The following MON2 variants were observed in gnomAD, a reference collection of about 807,000 sequenced individuals.
MON2 encodes MON2 regulator of endosome-to-Golgi trafficking.
Under a neutral mutation model 208.6 loss-of-function variants are expected in MON2, and 84 were observed. The ratio of observed to expected loss-of-function variants is 0.40; its 90% CI spans 0.34 to 0.48. The LOEUF is 0.48. MON2 is among the 20% of genes least tolerant of loss of function. The pLI is 0.59. For missense variants in MON2, 1,611 were observed against 2,015.4 expected (o/e 0.80, Z 3.84); for synonymous variants, 660 against 694.0 (o/e 0.95, Z 0.77).
Position 62,495,155 on chromosome 12 carries a change from A to G in MON2, c.435+8A>G. The G allele has an allele frequency of 6.2e-7, 1 of 1,600,152 alleles. No individual in the cohort carries two copies. Among genetic ancestry groups the G allele is most frequent in the Non-Finnish European group, 8.5e-7 (1 of 1,172,876 alleles). The stretch of plus-strand genomic sequence containing the variant: ...GATGAGGCACTTTCTAAGGTAGGAA[A>G]ACTGTTTGCCAGAGTTCATATGTGC... On this transcript the variant is annotated splice_region_variant and intron_variant, in intron 4 of 34. Coordinates refer to ENST00000393630, the MANE Select transcript of MON2 (RefSeq NM_015026.3).
intron 7 of MON2, among the ~76,000 whole-genome samples, chr12:62,506,966 G>A (rs948474053): frequency 3.9e-5 from 6 of 152,132 alleles, no homozygotes; most frequent in African/African-American, 1.2e-4. Context: ...GCTAATATAG[G>A]CAGGGAATTA....
chr12:62,512,993 A>G (rs1271815085), intron 8 of MON2, among the ~76,000 whole-genome samples: 1 of 152,132 alleles, frequency 6.6e-6, no homozygotes, highest in Non-Finnish European at 1.5e-5. Flanking sequence ...AGTCGGCTGG[A>G]GTGGCTGGGA....
At chr12:62,567,011 C>T (rs1168322629) in intron 29 of MON2, among the ~76,000 whole-genome samples, 1 of 152,182 alleles carries the variant, frequency 6.6e-6, no homozygotes, top group Non-Finnish European at 1.5e-5. Flanking sequence ...GCAGCCCATA[C>T]ACTTAACTGA....
At chr12:62,508,173 A>G in intron 7 of MON2, 113 bp from the exon 8 acceptor site, 10 of 749,594 alleles carry the variant, frequency 1.3e-5, no homozygotes, top group Non-Finnish European at 2.2e-5. Context: ...GTAAAGCTAA[A>G]TTATTAATAC....
At chr12:62,510,160 A>C (rs1483032337) in intron 8 of MON2, among the ~76,000 whole-genome samples, 1 of 152,182 alleles carries the variant, frequency 6.6e-6, no homozygotes, top group Non-Finnish European at 1.5e-5. Flanking sequence ...TTGAATTAAT[A>C]ATGAAAAACC....
Position 62,534,672 on chromosome 12 carries a change from G to A in MON2, c.1634-173G>A, listed in dbSNP as rs143559205. Among the ~76,000 whole-genome samples, 326 of 146,526 alleles carry A rather than the reference G, an allele frequency of 2.2e-3. 4 individuals carry two copies. In the East Asian group the frequency reaches 0.057, roughly 26 times the overall value. On this transcript the variant is annotated intron_variant, in intron 12 of 34. Coordinates refer to ENST00000393630, the MANE Select transcript of MON2 (RefSeq NM_015026.3). ...TCTTCAAGCCTGAAACTATAGTACG[G>A]CTTCTGAGTTTTCGTTCTTTTAGAT...
At position 62,565,324 on chromosome 12, in the gene MON2, C is replaced by T; in HGVS notation, c.4120C>T (p.Pro1374Ser). Residue 1374 changes from proline (P) to serine (S), a missense_variant, in exon 27 of 35, where the codon CCT becomes TCT. Physicochemically the swap from Pro to Ser is moderately conservative, Grantham distance 74. Coordinates refer to ENST00000393630, the MANE Select transcript of MON2 (RefSeq NM_015026.3). Reference sequence around the variant, plus strand: ...GGCATTTGTAGAATTTTCCTGTAAACCTCCACAGTATGGACAGCTGGAAAC... The same window carrying T: ...GGCATTTGTAGAATTTTCCTGTAAATCTCCACAGTATGGACAGCTGGAAAC... ...LLAFVEFSCK[P>S]PQYGQLETKH... The T allele has an allele frequency of 6.2e-7, 1 of 1,612,770 alleles. No individual in the cohort carries two copies. The highest frequency in any genetic ancestry group is 8.5e-7 in the Non-Finnish European group (1 of 1,179,094).
chr12:62,473,837 C>T (rs1461107805), intron 1 of MON2, among the ~76,000 whole-genome samples: 1 of 152,184 alleles, frequency 6.6e-6, no homozygotes, highest in Admixed American at 6.5e-5. Context: ...TCCCAAAGTG[C>T]TGGGATTACA....
At position 62,513,718 on chromosome 12, in the gene MON2, AGGCGG is replaced by A; in HGVS notation, c.984+5240_984+5244del. 1.6e-5 allele frequency among the ~76,000 whole-genome samples: 2 copies of A among 123,210 alleles called. 1 individual carries two copies. The highest frequency in any genetic ancestry group is 3.8e-5 in the Non-Finnish European group (2 of 53,282). The allele number at this position is 123,210 out of a possible 152,430, so 80.8% of individuals were successfully genotyped here. A position where few individuals can be genotyped will look rare whatever the true frequency, so the allele number is the denominator to read the frequency against. On this transcript the variant is annotated intron_variant, in intron 8 of 34. Coordinates refer to ENST00000393630, the MANE Select transcript of MON2 (RefSeq NM_015026.3). ...TCCCAGCACTTTGGGAGGCTGAGGC[AGGCGG>A]GTCATGAGGTCAGGAGATCGAGACC...
intron 22 of MON2, among the ~76,000 whole-genome samples, chr12:62,547,612 C>G (rs1330214673): frequency 6.6e-6 from 1 of 152,156 alleles, no homozygotes; most frequent in Non-Finnish European, 1.5e-5. Context: ...AGGTAAATAG[C>G]TCCTGCCCTA....
In MON2 at chr12:62,547,034, A is replaced by G. The variant is rs1338565451; in HGVS notation, c.2715A>G (p.Leu905=). The G allele has an allele frequency of 1.2e-6, 2 of 1,603,200 alleles. No individual in the cohort carries two copies. The highest frequency in any genetic ancestry group is 1.7e-6 in the Non-Finnish European group (2 of 1,173,604). ...ACAGTCTTGGGCCTGGATGGCCATTAGTGCTTGGAGTCATGGGAGCAATCA... is the reference window on the plus strand; with the variant it reads ...ACAGTCTTGGGCCTGGATGGCCATTGGTGCTTGGAGTCATGGGAGCAATCA... ...QGDSLGPGWP[L]VLGVMGAIRN... The change falls in exon 22 of 35, where the codon TTA becomes TTG. Residue 905 remains leucine, a synonymous_variant. Transcript: ENST00000393630.
rs569505107 is a variant in MON2 at position 62,592,942 on chromosome 12, C to T, written c.*193C>T. On this transcript the variant is annotated 3_prime_UTR_variant, in exon 35 of 35. Transcript: ENST00000393630. ...ACATCAACAAAGGCTCCTGAATGAA[C>T]AGCAGTGTAAGGCTTTAATAAATTA... The T allele has an allele frequency of 3.6e-5, 18 of 497,666 alleles. 1 individual carries two copies. The South Asian group carries it at 6.7e-4, about 18-fold the overall frequency. 30.8% of individuals were successfully genotyped at this position (497,666 alleles called of 1,614,324 possible).
intron 1 of MON2, among the ~76,000 whole-genome samples, chr12:62,476,285 C>A (rs2069076677): frequency 6.6e-6 from 1 of 152,124 alleles, no homozygotes; most frequent in African/African-American, 2.4e-5. Context: ...AAAGGGTGTT[C>A]TAGATGTATC....
At position 62,565,352 on chromosome 12, in the gene MON2, A is replaced by G. The variant is rs1296578757; in HGVS notation, c.4148A>G (p.Lys1383Arg). Residue 1383 changes from lysine (K) to arginine (R), a missense_variant, in exon 27 of 35, where the codon AAG becomes AGG. Coordinates refer to ENST00000393630, the MANE Select transcript of MON2 (RefSeq NM_015026.3). ...KPPQYGQLETKHIANAKYNQI... is the reference protein window; with the variant it reads ...KPPQYGQLETRHIANAKYNQI... ...CCACAGTATGGACAGCTGGAAACAA[A>G]GCACATTGCAAATGCAAAATATAAT... 1 of 1,607,316 alleles carries G rather than the reference A, an allele frequency of 6.2e-7. No individual in the cohort carries two copies. The highest frequency in any genetic ancestry group is 8.5e-7 in the Non-Finnish European group (1 of 1,177,856).
Position 62,597,298 on chromosome 12 carries a change from TTC to T in MON2, c.*4553_*4554del, listed in dbSNP as rs1469174080. On this transcript the variant is annotated 3_prime_UTR_variant, in exon 35 of 35. Coordinates refer to ENST00000393630, the MANE Select transcript of MON2 (RefSeq NM_015026.3). ...TCTTTCTTATACTTTCCCCTGATTT[TTC>T]TCTTTTAATTCCTCTTTCATTCTCT... 1 of 152,224 alleles carries T rather than the reference TTC, an allele frequency of 6.6e-6. No individual in the cohort carries two copies. Among genetic ancestry groups the T allele is most frequent in the Non-Finnish European group, 1.5e-5 (1 of 68,034 alleles). The allele number at this position is 152,224 out of a possible 1,614,324, so 9.4% of individuals were successfully genotyped here.
chr12:62,507,578 C>G (rs1471053826), intron 7 of MON2, among the ~76,000 whole-genome samples: 2 of 152,042 alleles, frequency 1.3e-5, no homozygotes, highest in Admixed American at 6.6e-5. Context: ...CTCAGCCTCC[C>G]AAAGTGCTAA....
intron 34 of MON2, among the ~76,000 whole-genome samples, chr12:62,590,336 G>T (rs1231514313): frequency 1.3e-5 from 2 of 152,106 alleles, no homozygotes; most frequent in African/African-American, 4.8e-5. Context: ...CAAGCAGTCT[G>T]CCCACCTTGG....
chr12:62,560,867 T>A lies in MON2; in HGVS notation c.3786T>A (p.Asp1262Glu), dbSNP rs566050638. ...SESTKPPITF[D>E]KLTFIPSQPF... is the part of the protein sequence containing the mutation. ...GTACTAAGCCTCCTATTACTTTTGATAAACTAACTTTTATTCCTAGCCAGC... is the reference window on the plus strand; with the variant it reads ...GTACTAAGCCTCCTATTACTTTTGAAAAACTAACTTTTATTCCTAGCCAGC... The change falls in exon 26 of 35, where the codon GAT (aspartate) becomes GAA (glutamate). Residue 1262 changes from aspartate (D) to glutamate (E), a missense_variant. Coordinates refer to ENST00000393630, the MANE Select transcript of MON2 (RefSeq NM_015026.3). 2.0e-4 allele frequency: 316 copies of A among 1,614,110 alleles called. 2 individuals are homozygous for A. The South Asian group carries it at 3.0e-3, about 15-fold the overall frequency.
intron 12 of MON2, among the ~76,000 whole-genome samples, chr12:62,533,358 A>G (rs1338041945): frequency 1.3e-5 from 2 of 152,224 alleles, no homozygotes; most frequent in Non-Finnish European, 2.9e-5. Context: ...GTGGAAAAAT[A>G]CTTTCAGATT....
Sources: allele counts gnomAD v4.1 joint callset (sites outside exome capture counted in the v4.1 genomes callset), GRCh38; gene constraint gnomAD v4.1.1; transcripts MANE v1.5; gene names NCBI Gene and HGNC (gene_info 2026-07-23, HGNC 2026-07-21).